The following STK38 variants were observed in gnomAD, a reference collection of about 807,000 sequenced individuals.
STK38 encodes serine/threonine kinase 38, also known as serine/threonine-protein kinase 38.
Under a neutral mutation model 59.0 loss-of-function variants are expected in STK38, and 26 were observed. That is an observed-to-expected ratio of 0.44 (90% CI 0.32 to 0.61). STK38 has a LOEUF of 0.61. STK38 is among the 20% of genes least tolerant of loss of function. The pLI is 0.04. For synonymous variants in STK38, 175 were observed against 176.6 expected (o/e 0.99, Z 0.07); for missense variants, 433 against 566.0 (o/e 0.76, Z 2.38).
rs916163380 is a variant in STK38 at position 36,538,684 on chromosome 6, G to C, written c.131+1388C>G. ...GCACTTTGGGAGGCCAAGAGGTCAAGAGATCAAGACCATCCTGGCCAACAC... is the reference window on the plus strand; with the variant it reads ...GCACTTTGGGAGGCCAAGAGGTCAACAGATCAAGACCATCCTGGCCAACAC... On this transcript the variant is annotated intron_variant, in intron 2 of 13. Transcript: ENST00000229812. Among the ~76,000 whole-genome samples the C allele has an allele frequency of 7.9e-5, 12 of 152,166 alleles. 1 individual carries two copies. Among genetic ancestry groups the C allele is most frequent in the Non-Finnish European group, 1.8e-4 (12 of 68,040 alleles).
At position 36,507,547 on chromosome 6, in the gene STK38, C is replaced by T. The variant is rs1776997651; in HGVS notation, c.725G>A (p.Arg242Lys). The T allele has an allele frequency of 1.6e-5, 26 of 1,613,954 alleles. No individual in the cohort carries two copies. Among genetic ancestry groups the T allele is most frequent in the Non-Finnish European group, 1.9e-5 (23 of 1,180,008 alleles). The change falls in exon 8 of 14, where the codon AGG (arginine) becomes AAG (lysine). Residue 242 changes from arginine to lysine, a missense_variant. Arg to Lys is a conservative substitution (Grantham distance 26, BLOSUM62 2). Coordinates refer to ENST00000229812, the MANE Select transcript of STK38 (RefSeq NM_007271.4). Reference protein sequence around the residue: ...GLCTGLKKAHRTEFYRNLNHS... With the variant: ...GLCTGLKKAHKTEFYRNLNHS... ...GTTCAGATTCCTATAAAATTCTGTC[C>T]TATGTGCTTTTTTCAGTCCTGTGCA...
intron 4 of STK38, among the ~76,000 whole-genome samples, chr6:36,522,934 T>C (rs1410844391): frequency 6.6e-6 from 1 of 151,964 alleles, no homozygotes; most frequent in Non-Finnish European, 1.5e-5. Flanking sequence ...TATGTAGTTT[T>C]CCTTCTCTTT....
intron 1 of STK38, 90 bp from the exon 2 acceptor site, chr6:36,540,297 G>T: frequency 7.3e-7 from 1 of 1,360,664 alleles, no homozygotes; most frequent in Non-Finnish European, 1.0e-6. Context: ...AATGTAAATT[G>T]GTGCAAGTTT....
At chr6:36,528,689 A>C (rs1777596066) in intron 2 of STK38, among the ~76,000 whole-genome samples, 3 of 152,236 alleles carry the variant, frequency 2.0e-5, no homozygotes, top group Admixed American at 1.3e-4. Flanking sequence ...GAGAAGAACA[A>C]GAAAAGTCAA....
intron 2 of STK38, among the ~76,000 whole-genome samples, chr6:36,529,346 G>A (rs535539016): frequency 6.6e-6 from 1 of 152,322 alleles, no homozygotes; most frequent in Admixed American, 6.5e-5. Flanking sequence ...TCTGAGGGAT[G>A]AATATATTGA....
intron 2 of STK38, among the ~76,000 whole-genome samples, chr6:36,528,490 G>C (rs1777590106): frequency 6.6e-6 from 1 of 152,172 alleles, no homozygotes; most frequent in Non-Finnish European, 1.5e-5. Flanking sequence ...TTCCTGTCTA[G>C]AGGGATATGA....
intron 2 of STK38, among the ~76,000 whole-genome samples, chr6:36,529,751 C>T (rs1166162722): frequency 6.6e-6 from 1 of 152,174 alleles, no homozygotes. Context: ...TTTAAAAAGT[C>T]AGAATGTATA....
At chr6:36,521,916 C>T (rs1248583771) in intron 4 of STK38, 99 bp from the exon 5 acceptor site, 1 of 922,244 alleles carries the variant, frequency 1.1e-6, no homozygotes, top group Non-Finnish European at 1.6e-6. Flanking sequence ...AAAAGTATTA[C>T]AATTTTAACA....
intron 2 of STK38, among the ~76,000 whole-genome samples, chr6:36,527,326 A>G (rs1002368148): frequency 6.9e-6 from 1 of 145,706 alleles, no homozygotes; most frequent in Non-Finnish European, 1.5e-5. Flanking sequence ...ACACACATAT[A>G]TATACACACA....
intron 2 of STK38, among the ~76,000 whole-genome samples, chr6:36,528,346 A>C (rs1355377625): frequency 1.3e-5 from 2 of 152,162 alleles, no homozygotes; most frequent in South Asian, 4.1e-4. Context: ...GAAAGAGGCT[A>C]GTTGAGAGTT....
At position 36,497,788 on chromosome 6, in the gene STK38, T is replaced by C. The variant is rs34174425; in HGVS notation, c.1164A>G (p.Glu388=). Residue 388 remains glutamate (E), a synonymous_variant, in exon 12 of 14, where the codon GAA becomes GAG. Coordinates refer to ENST00000229812, the MANE Select transcript of STK38 (RefSeq NM_007271.4). ...TGTTTATATGGATATACCTGATATG[T>C]TCCCAGTCAACGCCTTCAAAAAAAG... ...SNSFFEGVDW[E]HIRERPAAIS... is the part of the protein sequence containing the mutation. 502 of 1,611,228 alleles carry C rather than the reference T, an allele frequency of 3.1e-4. No individual in the cohort carries two copies. The African/African-American group carries it at 6.3e-3, about 20-fold the overall frequency.
chr6:36,509,900 T>C (rs1337830494), intron 7 of STK38, among the ~76,000 whole-genome samples: 1 of 152,120 alleles, frequency 6.6e-6, no homozygotes, highest in Non-Finnish European at 1.5e-5. Context: ...CTGCAGCAGG[T>C]CGTCTGACCA....
chr6:36,501,553 C>CTTTT (rs61042158), intron 9 of STK38, among the ~76,000 whole-genome samples: 2 of 136,614 alleles, frequency 1.5e-5, no homozygotes, highest in East Asian at 2.1e-4. Context: ...GATCATTTGT[C>CTTTT]TTTTTTTTTT....
intron 7 of STK38, among the ~76,000 whole-genome samples, chr6:36,512,014 A>G (rs1777122891): frequency 6.6e-6 from 1 of 152,166 alleles, no homozygotes; most frequent in Non-Finnish European, 1.5e-5. Context: ...AGCCAAGATC[A>G]CATCACTGCA....
chr6:36,512,932 T>C (rs2127474176), intron 7 of STK38, among the ~76,000 whole-genome samples: 1 of 152,338 alleles, frequency 6.6e-6, no homozygotes, highest in African/African-American at 2.4e-5. Context: ...AGAGCTGGGA[T>C]TACAGACGTG....
chr6:36,529,336 T>C (rs1193273733), intron 2 of STK38, among the ~76,000 whole-genome samples: 1 of 152,196 alleles, frequency 6.6e-6, no homozygotes, highest in Non-Finnish European at 1.5e-5. Flanking sequence ...AATTATTAAA[T>C]CTGAGGGATG....
chr6:36,497,712 T>C, intron 12 of STK38, 68 bp downstream of exon 12: 3 of 1,336,768 alleles, frequency 2.2e-6, no homozygotes, highest in South Asian at 2.5e-5. Flanking sequence ...ATGATGGTCC[T>C]TCCAAATTAT....
Position 36,495,605 on chromosome 6 carries a change from T to C in STK38, c.*179A>G. The C allele has an allele frequency of 1.4e-6, 1 of 731,166 alleles. No individual in the cohort carries two copies. The allele number at this position is 731,166 out of a possible 1,614,324, so 45.3% of individuals were successfully genotyped here. A position where few individuals can be genotyped will look rare whatever the true frequency, so the allele number is the denominator to read the frequency against. ...GACGTAGTAGAAATGGTTGTCTTTG[T>C]TTACAGTTTTTCAGATGCATTATGG... On this transcript the variant is annotated 3_prime_UTR_variant, in exon 14 of 14. Coordinates refer to ENST00000229812, the MANE Select transcript of STK38 (RefSeq NM_007271.4).
At chr6:36,518,001 A>G (rs1777296089) in intron 5 of STK38, among the ~76,000 whole-genome samples, 161 bp from the exon 6 acceptor site, 1 of 152,234 alleles carries the variant, frequency 6.6e-6, no homozygotes. Flanking sequence ...TACTAACTCA[A>G]AATTGACAAC....
Sources: gnomAD v4.1 joint callset for allele counts (sites outside exome capture counted in the v4.1 genomes callset) on GRCh38, gnomAD v4.1.1 for gene constraint, MANE v1.5 for transcripts, NCBI Gene and HGNC (gene_info 2026-07-23, HGNC 2026-07-21) for gene names.